Variants in NIPAL1 observed in about 807,000 individuals in gnomAD.
NIPAL1 encodes NIPA like domain containing 1.
A neutral mutation model predicts 37.7 loss-of-function variants in NIPAL1; 35 were observed. The observed-to-expected ratio is 0.93, with a 90% confidence interval of 0.71 to 1.23. The LOEUF (loss-of-function observed/expected upper bound fraction) is 1.23, where lower values mean the gene tolerates loss of function less well. NIPAL1 is among the 50% of genes most tolerant of loss of function. NIPAL1 has a pLI of 0.00. For synonymous variants in NIPAL1, 162 were observed against 183.0 expected (o/e 0.89, Z 0.93); for missense variants, 412 against 473.9 (o/e 0.87, Z 1.21).
chr4:48,019,533 T>C (rs1715524692), intron 1 of NIPAL1, among the ~76,000 whole-genome samples: 1 of 152,178 alleles, frequency 6.6e-6, no homozygotes, highest in African/African-American at 2.4e-5. Context: ...CTTAGTCCTC[T>C]CACTCAGAAG....
rs1443573493 is a variant in NIPAL1, at chr4:48,036,587, T to G, written c.*415T>G. 5.9e-6 allele frequency: 1 copy of G among 168,240 alleles called. No homozygotes were observed. Among genetic ancestry groups the G allele is most frequent in the Non-Finnish European group, 1.3e-5 (1 of 79,938 alleles). The allele number at this position is 168,240 out of a possible 1,614,324, so 10.4% of individuals were successfully genotyped here. A position where few individuals can be genotyped will look rare whatever the true frequency, so the allele number is the denominator to read the frequency against. On this transcript the variant is annotated 3_prime_UTR_variant, in exon 6 of 6. Coordinates refer to ENST00000295461, the MANE Select transcript of NIPAL1 (RefSeq NM_207330.3). ...TCTCCGTTGAGTCATAATTTCAAAC[T>G]CAACAAGATTTCAGAAAGGTATAAT...
intron 2 of NIPAL1, among the ~76,000 whole-genome samples, chr4:48,026,720 A>AT (rs67279375): frequency 1.3e-4 from 18 of 142,340 alleles, no homozygotes; most frequent in East Asian, 4.1e-4. Flanking sequence ...TAAAAATAAA[A>AT]TTTTTTTTTT....
chr4:48,020,351 TACTTCCC>T (rs1715545369), intron 1 of NIPAL1, among the ~76,000 whole-genome samples: 1 of 152,190 alleles, frequency 6.6e-6, no homozygotes, highest in Non-Finnish European at 1.5e-5. Context: ...TGATATAACC[TACTTCCC>T]ACTGGTTAGC....
rs775014256 is a variant in NIPAL1, at chr4:48,035,952, T to C, written c.1013T>C (p.Ile338Thr). 5.0e-5 allele frequency: 80 copies of C among 1,613,898 alleles called. No homozygotes were observed. Among genetic ancestry groups the C allele is most frequent in the South Asian group, 1.5e-4 (14 of 91,056 alleles). ...EWYGMTAGDI[I>T]GTLSGFFTII... ...TATGGCATGACAGCTGGAGATATCATTGGGACCCTGAGTGGATTCTTCACT... is the reference window on the plus strand; with the variant it reads ...TATGGCATGACAGCTGGAGATATCACTGGGACCCTGAGTGGATTCTTCACT... The change falls in exon 6 of 6, where the codon ATT (isoleucine) becomes ACT (threonine). Residue 338 changes from isoleucine (I) to threonine (T), a missense_variant. Coordinates refer to ENST00000295461, the MANE Select transcript of NIPAL1 (RefSeq NM_207330.3).
chr4:48,017,022 T>A, intron 1 of NIPAL1, 137 bp downstream of exon 1: 1 of 722,574 alleles, frequency 1.4e-6, no homozygotes, highest in South Asian at 1.9e-5. Context: ...ATTCATTCAT[T>A]CAGTCAGTCG....
chr4:48,028,739 C>A (rs7690405), intron 2 of NIPAL1, among the ~76,000 whole-genome samples: 2 of 151,818 alleles, frequency 1.3e-5, no homozygotes, highest in African/African-American at 2.4e-5. Flanking sequence ...AAAACAAACC[C>A]ATGAAAAAGT....
intron 3 of NIPAL1, 99 bp downstream of exon 3, chr4:48,030,275 C>G: frequency 1.3e-6 from 1 of 750,048 alleles, no homozygotes; most frequent in Non-Finnish European, 2.3e-6. Context: ...AAGAATGGAA[C>G]AAGGATGGAA....
At chr4:48,033,983 A>T (rs757907980) in intron 4 of NIPAL1, among the ~76,000 whole-genome samples, 9 of 152,214 alleles carry the variant, frequency 5.9e-5, no homozygotes, top group Non-Finnish European at 1.2e-4. Flanking sequence ...CTGCAGTCCT[A>T]AAGGTGGCCA....
At chr4:48,022,954 C>T (rs1181151956) in intron 1 of NIPAL1, among the ~76,000 whole-genome samples, 3 of 152,116 alleles carry the variant, frequency 2.0e-5, no homozygotes, top group East Asian at 3.8e-4. Flanking sequence ...CACCACTGCA[C>T]TACAACCTGG....
chr4:48,030,950 G>A (rs1715805978), intron 3 of NIPAL1, among the ~76,000 whole-genome samples: 1 of 152,196 alleles, frequency 6.6e-6, no homozygotes, highest in African/African-American at 2.4e-5. Flanking sequence ...AAGGAACTGG[G>A]TACCTTTTCT....
intron 5 of NIPAL1, 105 bp downstream of exon 5, chr4:48,035,146 G>T: frequency 1.1e-6 from 1 of 949,838 alleles, no homozygotes; most frequent in Non-Finnish European, 1.6e-6. Flanking sequence ...ATTGTGGGCC[G>T]CATTGTGGGT....
At chr4:48,024,346 G>A (rs2109366816) in intron 1 of NIPAL1, among the ~76,000 whole-genome samples, 3 of 67,514 alleles carry the variant, frequency 4.4e-5, no homozygotes, top group Admixed American at 3.8e-4. Context: ...TGGTGTGATC[G>A]CAGCTCGCTG....
rs533125089 is a variant in NIPAL1, at chr4:48,027,111, C to CA, written c.313+1785dup. Among the ~76,000 whole-genome samples the CA allele has an allele frequency of 1.0e-3, 157 of 150,532 alleles. 1 individual carries two copies. The South Asian group carries it at 0.029, about 28-fold the overall frequency. ...TAAAGGAAGAGATTATCTAGATTGA[C>CA]AAAAAAAATCCTATATGGAAACACT... is the stretch of plus-strand genomic sequence containing the variant. On this transcript the variant is annotated intron_variant, in intron 2 of 5. Transcript: ENST00000295461. The surrounding 1 kb of genome is among the most constrained non-coding windows in gnomAD (Gnocchi z 4.1).
chr4:48,028,279 A>G (rs1185766289), intron 2 of NIPAL1, among the ~76,000 whole-genome samples: 3 of 152,202 alleles, frequency 2.0e-5, no homozygotes, highest in Non-Finnish European at 2.9e-5. Flanking sequence ...CCAGATACCT[A>G]CAACCAACTG....
intron 1 of NIPAL1, among the ~76,000 whole-genome samples, chr4:48,019,044 G>T (rs147213911): frequency 6.6e-6 from 1 of 151,838 alleles, no homozygotes; most frequent in Non-Finnish European, 1.5e-5. Flanking sequence ...TTTTTGAGGC[G>T]GAGTGCCACT....
chr4:48,035,166 C>T, intron 5 of NIPAL1, 125 bp downstream of exon 5: 2 of 796,364 alleles, frequency 2.5e-6, no homozygotes, highest in South Asian at 3.2e-5. Context: ...TTGTGAGACA[C>T]AGTGAGGTTT....
Position 48,020,081 on chromosome 4 carries a change from ATTG to A in NIPAL1, c.46+3201_46+3203del, listed in dbSNP as rs1277756659. Among the ~76,000 whole-genome samples the A allele has an allele frequency of 9.2e-5, 14 of 152,348 alleles. No individual in the cohort carries two copies. The South Asian group carries it at 2.9e-3, about 32-fold the overall frequency. On this transcript the variant is annotated intron_variant, in intron 1 of 5. Transcript: ENST00000295461. ...CACTGGAATATAAGAGAGCGGGACC[ATTG>A]TTGTATTCATTTTTCTATCTCCAGA...
At position 48,036,526 on chromosome 4, in the gene NIPAL1, T is replaced by A. The variant is rs570102342; in HGVS notation, c.*354T>A. 66 of 255,724 alleles carry A rather than the reference T, an allele frequency of 2.6e-4. No homozygotes were observed. Among genetic ancestry groups the A allele is most frequent in the African/African-American group, 1.5e-3 (65 of 42,770 alleles). The allele number at this position is 255,724 out of a possible 1,614,324, so 15.8% of individuals were successfully genotyped here. On this transcript the variant is annotated 3_prime_UTR_variant, in exon 6 of 6. Coordinates refer to ENST00000295461, the MANE Select transcript of NIPAL1 (RefSeq NM_207330.3). ...CTTACAGTCATTCACCAATATACAG[T>A]TAGCAGTGTTCTGATAGACACAGTA...
chr4:48,023,077 TG>T (rs1302542499), intron 1 of NIPAL1, among the ~76,000 whole-genome samples: 2 of 151,666 alleles, frequency 1.3e-5, no homozygotes, highest in Non-Finnish European at 2.9e-5. Context: ...TGTTTTGTTT[TG>T]TTTTTGTTTT....
Sources: gnomAD v4.1 joint callset for allele counts (sites outside exome capture counted in the v4.1 genomes callset) on GRCh38, gnomAD v4.1.1 for gene constraint, Gnocchi (gnomAD v3.1) non-coding constraint, MANE v1.5 for transcripts, NCBI Gene and HGNC (gene_info 2026-07-23, HGNC 2026-07-21) for gene names.